DCAF7: variants seen among roughly 807,000 people sequenced by gnomAD.
DCAF7 encodes DDB1- and CUL4-associated factor 7.
In DCAF7, 4 loss-of-function variants were observed where a neutral mutation model predicts 41.2. The observed-to-expected ratio is 0.10, with a 90% confidence interval of 0.05 to 0.22. DCAF7 has a LOEUF of 0.22. Among genes scored for constraint, DCAF7 ranks in the 10% least tolerant of loss-of-function variants. The pLI is 1.00. For missense variants in DCAF7, 131 were observed against 443.2 expected, an observed-to-expected ratio of 0.30 and a Z score of 6.32; for synonymous variants, 143 against 164.2, an observed-to-expected ratio of 0.87 and a Z score of 0.99.
chr17:63,551,304 C>CCCG (rs2033251185), intron 1 of DCAF7, among the ~76,000 whole-genome samples: 1 of 97,116 alleles, frequency 1.0e-5, no homozygotes. Flanking sequence ...GCCCCCTACT[C>CCCG]CCACCCCCCC....
intron 1 of DCAF7, among the ~76,000 whole-genome samples, chr17:63,556,648 C>T (rs1415447713): frequency 1.3e-5 from 2 of 152,108 alleles, no homozygotes; most frequent in Non-Finnish European, 2.9e-5. Context: ...GCTGGCGGAT[C>T]ACGAGGTCAG....
chr17:63,551,528 T>C (rs552841921), intron 1 of DCAF7, among the ~76,000 whole-genome samples: 1 of 152,254 alleles, frequency 6.6e-6, no homozygotes, highest in South Asian at 2.1e-4. Flanking sequence ...TTGCTGGACA[T>C]ACATCAATTT....
chr17:63,586,221 A>T (rs1374738234), intron 6 of DCAF7, among the ~76,000 whole-genome samples: 1 of 151,576 alleles, frequency 6.6e-6, no homozygotes, highest in Non-Finnish European at 1.5e-5. Context: ...GGGAGGCTAA[A>T]GTGGGAGGAT....
intron 6 of DCAF7, among the ~76,000 whole-genome samples, chr17:63,586,036 A>C (rs1185201115): frequency 6.6e-6 from 1 of 151,442 alleles, no homozygotes. Context: ...GAGGCAGGAG[A>C]AGCACTTCAA....
chr17:63,593,403 A>T lies in DCAF7; in HGVS notation c.*4231A>T, dbSNP rs1288281177. 1 of 152,666 alleles carries T rather than the reference A, an allele frequency of 6.6e-6. No individual in the cohort carries two copies. The highest frequency in any genetic ancestry group is 2.4e-5 in the African/African-American group (1 of 41,448). The allele number at this position is 152,666 out of a possible 1,614,324, so 9.5% of individuals were successfully genotyped here. A position where few individuals can be genotyped will look rare whatever the true frequency, so the allele number is the denominator to read the frequency against. ...GGGATGGGCCAGGTCCTCTCAGGCT[A>T]CTTTCTGGATGTCATTTTTAAAATA... On this transcript the variant is annotated 3_prime_UTR_variant, in exon 7 of 7. Coordinates refer to ENST00000614556, the MANE Select transcript of DCAF7 (RefSeq NM_005828.5).
At chr17:63,583,832 A>G in intron 5 of DCAF7, 121 bp downstream of exon 5, 1 of 1,024,588 alleles carries the variant, frequency 9.8e-7, no homozygotes, top group Non-Finnish European at 1.5e-6. Context: ...GAATGTCTGG[A>G]GGCATTTTTG....
intron 2 of DCAF7, 128 bp downstream of exon 2, chr17:63,578,756 G>A (rs1267337863): frequency 4.1e-5 from 55 of 1,331,416 alleles, no homozygotes; most frequent in East Asian, 2.8e-4. Context: ...AGAAGCAAGC[G>A]AAGCTTAAAT....
chr17:63,592,567 A>C lies in DCAF7; in HGVS notation c.*3395A>C, dbSNP rs2147782301. 1 of 152,338 alleles carries C rather than the reference A, an allele frequency of 6.6e-6. No homozygotes were observed. The highest frequency in any genetic ancestry group is 2.4e-5 in the African/African-American group (1 of 41,574). The allele number at this position is 152,338 out of a possible 1,614,324, so 9.4% of individuals were successfully genotyped here. A position where few individuals can be genotyped will look rare whatever the true frequency, so the allele number is the denominator to read the frequency against. Reference sequence around the variant, plus strand: ...TTTAGGAGGAGATGTAGGATGCAGGAGAAAATTAAAGTGTTTTCTTTATAT... The same window carrying C: ...TTTAGGAGGAGATGTAGGATGCAGGCGAAAATTAAAGTGTTTTCTTTATAT... On this transcript the variant is annotated 3_prime_UTR_variant, in exon 7 of 7. Transcript: ENST00000614556.
chr17:63,583,771 C>A, intron 5 of DCAF7, 60 bp downstream of exon 5: 1 of 1,540,894 alleles, frequency 6.5e-7, no homozygotes, highest in Non-Finnish European at 8.9e-7. Flanking sequence ...CTTAGTATAT[C>A]TAGAAGGCTG....
At position 63,550,586 on chromosome 17, in the gene DCAF7, C is replaced by G; in HGVS notation, c.-92C>G. The stretch of plus-strand genomic sequence containing the variant: ...AGGCCGTTCCTGCCCGCCCCCTCCT[C>G]TCCTCCCTTCGGACCCATAGATCTC... On this transcript the variant is annotated 5_prime_UTR_variant, in exon 1 of 7. Transcript: ENST00000614556. The surrounding 1 kb of genome is among the most constrained non-coding windows in gnomAD (Gnocchi z 4.8). 1.9e-6 allele frequency: 3 copies of G among 1,543,534 alleles called. No homozygotes were observed. The highest frequency in any genetic ancestry group is 2.6e-6 in the Non-Finnish European group (3 of 1,142,752).
chr17:63,558,024 T>C (rs1250739420), intron 1 of DCAF7, among the ~76,000 whole-genome samples: 1 of 152,038 alleles, frequency 6.6e-6, no homozygotes, highest in African/African-American at 2.4e-5. Flanking sequence ...GCCTCCCGAG[T>C]AGCTGAGACT....
At position 63,550,574 on chromosome 17, in the gene DCAF7, C is replaced by T; in HGVS notation, c.-104C>T. On this transcript the variant is annotated 5_prime_UTR_variant, in exon 1 of 7. Coordinates refer to ENST00000614556, the MANE Select transcript of DCAF7 (RefSeq NM_005828.5). This position sits in a 1 kb window ranked among gnomAD's most constrained non-coding sequence, Gnocchi z 4.8. ...CGCTTCCGGGTTAGGCCGTTCCTGCCCGCCCCCTCCTCTCCTCCCTTCGGA... is the reference window on the plus strand; with the variant it reads ...CGCTTCCGGGTTAGGCCGTTCCTGCTCGCCCCCTCCTCTCCTCCCTTCGGA... The T allele has an allele frequency of 1.3e-6, 2 of 1,512,804 alleles. No homozygotes were observed. The highest frequency in any genetic ancestry group is 1.8e-6 in the Non-Finnish European group (2 of 1,127,688). 93.7% of individuals were successfully genotyped at this position (1,512,804 alleles called of 1,614,324 possible).
intron 1 of DCAF7, among the ~76,000 whole-genome samples, chr17:63,553,079 A>G (rs545773061): frequency 1.3e-5 from 2 of 152,370 alleles, no homozygotes; most frequent in East Asian, 3.9e-4. Context: ...TAAAACACAT[A>G]GAATTACAAA....
chr17:63,588,586 G>A (rs1467222007), intron 6 of DCAF7, among the ~76,000 whole-genome samples: 1 of 151,540 alleles, frequency 6.6e-6, no homozygotes, highest in Non-Finnish European at 1.5e-5. Flanking sequence ...CATCAAACAG[G>A]GAAGAAACGC....
At chr17:63,587,575 G>A (rs1233761182) in intron 6 of DCAF7, among the ~76,000 whole-genome samples, 3 of 152,108 alleles carry the variant, frequency 2.0e-5, no homozygotes, top group Non-Finnish European at 4.4e-5. Flanking sequence ...TGCTCTAGAG[G>A]TGCAATTCCC....
intron 1 of DCAF7, among the ~76,000 whole-genome samples, chr17:63,556,278 A>G (rs1484512636): frequency 6.6e-6 from 1 of 152,236 alleles, no homozygotes; most frequent in Non-Finnish European, 1.5e-5. Flanking sequence ...TGTGTGTTAA[A>G]GTGGAATATG....
intron 1 of DCAF7, among the ~76,000 whole-genome samples, chr17:63,568,605 T>A (rs145068895): frequency 1.1e-4 from 17 of 152,342 alleles, no homozygotes; most frequent in Admixed American, 5.9e-4. Flanking sequence ...TCTGTTTTTG[T>A]TATTTTCTTG....
chr17:63,587,800 T>C (rs545664614), intron 6 of DCAF7, among the ~76,000 whole-genome samples: 20 of 152,228 alleles, frequency 1.3e-4, no homozygotes, highest in South Asian at 4.1e-4. Flanking sequence ...TTTTCTTTTT[T>C]AAAAATTAAC....
intron 6 of DCAF7, 118 bp downstream of exon 6, chr17:63,585,446 T>C: frequency 1.1e-6 from 1 of 927,948 alleles, no homozygotes; most frequent in Non-Finnish European, 1.6e-6. Flanking sequence ...TTATACAAAA[T>C]GACTAGTTGG....
Sources: gnomAD v4.1 joint callset for allele counts (sites outside exome capture counted in the v4.1 genomes callset) on GRCh38, gnomAD v4.1.1 for gene constraint, Gnocchi (gnomAD v3.1) non-coding constraint, MANE v1.5 for transcripts, NCBI Gene and HGNC (gene_info 2026-07-23, HGNC 2026-07-21) for gene names.